ATXN8OS: variants seen among roughly 807,000 people sequenced by gnomAD.
ATXN8OS encodes ATXN8 opposite strand (non-protein coding).
intron 3 of ATXN8OS, among the ~76,000 whole-genome samples, chr13:70,143,725 TG>T (rs1566609657): frequency 6.6e-6 from 1 of 152,144 alleles, no homozygotes; most frequent in Non-Finnish European, 1.5e-5. Flanking sequence ...CATATACTAC[TG>T]GAACTCTATG....
chr13:70,165,554 A>G (rs935627759), intron 4 of ATXN8OS, among the ~76,000 whole-genome samples: 3 of 152,064 alleles, frequency 2.0e-5, no homozygotes, highest in Non-Finnish European at 4.4e-5. Context: ...TTATGCCAAG[A>G]TCAATTTTTA....
At chr13:70,137,046 C>T (rs1476185465) in intron 3 of ATXN8OS, among the ~76,000 whole-genome samples, 7 of 152,124 alleles carry the variant, frequency 4.6e-5, no homozygotes, top group Non-Finnish European at 8.8e-5. Flanking sequence ...CATTGCCAAT[C>T]ATTCAAAGTT....
intron 2 of ATXN8OS, among the ~76,000 whole-genome samples, chr13:70,129,375 CTGTGTGTGTG>C (rs34731574): frequency 6.7e-6 from 1 of 148,994 alleles, no homozygotes; most frequent in South Asian, 2.1e-4. Flanking sequence ...TTGTATTTTT[CTGTGTGTGTG>C]TGTGTGTGTG....
intron 3 of ATXN8OS, among the ~76,000 whole-genome samples, chr13:70,147,160 T>G (rs9572385): frequency 0.096 from 14,662 of 152,110 alleles, 759 homozygotes; most frequent in Middle Eastern, 0.19. Flanking sequence ...ATGAATTATA[T>G]AAAGATAATA....
At position 70,145,642 on chromosome 13, in the gene ATXN8OS, GCTCT is replaced by G. The variant is rs993595611; in HGVS notation, n.500-1710_500-1707del. 2.4e-4 allele frequency among the ~76,000 whole-genome samples: 36 copies of G among 152,012 alleles called. 1 individual carries two copies. The highest frequency in any genetic ancestry group is 2.0e-3 in the Admixed American group (31 of 15,256). On this transcript the variant is annotated intron_variant and non_coding_transcript_variant, in intron 3 of 4. Transcript: ENST00000678624. Reference sequence around the variant, plus strand: ...TGAATGGTAGTTCACTCATGATTTGGCTCTCTGTTTGTCTGTTATTGTTGTATAA... The same window carrying G: ...TGAATGGTAGTTCACTCATGATTTGGCTGTTTGTCTGTTATTGTTGTATAA...
chr13:70,154,316 G>A (rs1269248054), intron 4 of ATXN8OS, among the ~76,000 whole-genome samples: 1 of 152,074 alleles, frequency 6.6e-6, no homozygotes, highest in African/African-American at 2.4e-5. Flanking sequence ...TAAAATTCAG[G>A]TTAACATTTC....
chr13:70,157,589 CTCTT>C lies in ATXN8OS; in HGVS notation n.573+10163_573+10166del, dbSNP rs538903209. ...AACAAAAACACTCTTAGATCTCTCA[CTCTT>C]TATTTTCTGACTTTCAGCATTTCTG... On this transcript the variant is annotated intron_variant and non_coding_transcript_variant, in intron 4 of 4. Transcript: ENST00000678624. Among the ~76,000 whole-genome samples, 146 of 152,106 alleles carry C rather than the reference CTCTT, an allele frequency of 9.6e-4. 2 individuals are homozygous for C. In the South Asian group the frequency reaches 0.014, roughly 14 times the overall value.
At chr13:70,164,229 T>C (rs1006690497) in intron 4 of ATXN8OS, among the ~76,000 whole-genome samples, 1 of 151,110 alleles carries the variant, frequency 6.6e-6, no homozygotes, top group Admixed American at 6.6e-5. Flanking sequence ...TTCCCAAGGT[T>C]ACCTTTTTTT....
intron 2 of ATXN8OS, among the ~76,000 whole-genome samples, chr13:70,116,460 C>A (rs957732904): frequency 1.3e-5 from 2 of 152,108 alleles, no homozygotes; most frequent in Non-Finnish European, 2.9e-5. Context: ...AATAGAAAAG[C>A]AAGGGCCTGG....
At chr13:70,150,088 G>T (rs1346729551) in intron 4 of ATXN8OS, among the ~76,000 whole-genome samples, 1 of 152,022 alleles carries the variant, frequency 6.6e-6, no homozygotes, top group Non-Finnish European at 1.5e-5. Flanking sequence ...CAGAGAAAAA[G>T]GGACACTTTC....
chr13:70,143,560 G>A (rs302014), intron 3 of ATXN8OS, among the ~76,000 whole-genome samples: 130,673 of 152,208 alleles, frequency 0.86, 56,198 homozygotes, highest in East Asian at 1. Context: ...AAGTGAGGCT[G>A]ATTATATTAT....
At chr13:70,155,962 T>G (rs1376015192) in intron 4 of ATXN8OS, among the ~76,000 whole-genome samples, 2 of 152,184 alleles carry the variant, frequency 1.3e-5, no homozygotes, top group Non-Finnish European at 2.9e-5. Context: ...ATTTGTGTTT[T>G]CCTATATGCC....
intron 4 of ATXN8OS, among the ~76,000 whole-genome samples, chr13:70,155,046 T>A (rs903927621): frequency 3.3e-5 from 5 of 152,178 alleles, no homozygotes; most frequent in African/African-American, 1.2e-4. Flanking sequence ...TCAAGTACTG[T>A]CTTTGTTCCG....
chr13:70,163,608 T>C (rs1889036525), intron 4 of ATXN8OS, among the ~76,000 whole-genome samples: 1 of 152,004 alleles, frequency 6.6e-6, no homozygotes, highest in African/African-American at 2.4e-5. Context: ...TTGCTATTAT[T>C]CTTTAAAATA....
At chr13:70,155,797 C>CA (rs34051772) in intron 4 of ATXN8OS, among the ~76,000 whole-genome samples, 33,981 of 137,324 alleles carry the variant, frequency 0.25, 4,195 homozygotes, top group African/African-American at 0.33. Context: ...AAAACTGAGA[C>CA]AAAAAAAAAA....
intron 4 of ATXN8OS, among the ~76,000 whole-genome samples, chr13:70,147,564 T>G (rs185558223): frequency 6.6e-6 from 1 of 152,186 alleles, no homozygotes; most frequent in South Asian, 2.1e-4. Flanking sequence ...GAAGTATATA[T>G]GGTGCCCAAT....
At chr13:70,169,615 G>C (rs1889121017) in intron 4 of ATXN8OS, among the ~76,000 whole-genome samples, 1 of 152,002 alleles carries the variant, frequency 6.6e-6, no homozygotes, top group Non-Finnish European at 1.5e-5. Flanking sequence ...ATCTTTGAAA[G>C]AGTATTGTCA....
intron 2 of ATXN8OS, among the ~76,000 whole-genome samples, chr13:70,119,770 T>C (rs1394344753): frequency 6.6e-6 from 1 of 152,092 alleles, no homozygotes; most frequent in Non-Finnish European, 1.5e-5. Context: ...AACCTTTTTG[T>C]CATGCTCAAA....
rs193922930 is a variant in ATXN8OS, at chr13:70,139,383, ACTGCTGCTGCTGCTG to A, written n.500-7940_500-7926del. The A allele has an allele frequency of 2.5e-4, 116 of 458,196 alleles. 1 individual carries two copies. Among genetic ancestry groups the A allele is most frequent in the Middle Eastern group, 5.5e-4 (1 of 1,832 alleles). 28.4% of individuals were successfully genotyped at this position (458,196 alleles called of 1,614,324 possible). Reference sequence around the variant, plus strand: ...TACTACTACTACTACTACTACTACTACTGCTGCTGCTGCTGCTGCTGCTGCTGCTGCTGCTGCTGC... The same window carrying A: ...TACTACTACTACTACTACTACTACTACTGCTGCTGCTGCTGCTGCTGCTGC... On this transcript the variant is annotated intron_variant and non_coding_transcript_variant, in intron 3 of 4. Transcript: ENST00000678624.
Sources: allele counts gnomAD v4.1 joint callset (sites outside exome capture counted in the v4.1 genomes callset), GRCh38; gene constraint gnomAD v4.1.1; transcripts MANE v1.5; gene names NCBI Gene and HGNC (gene_info 2026-07-23, HGNC 2026-07-21).